Variants in PM20D2 observed in about 807,000 individuals in gnomAD.
The protein encoded by PM20D2 is xaa-Arg dipeptidase.
PM20D2 carries 33 observed loss-of-function variants against 42.9 expected under a neutral mutation model. That is an observed-to-expected ratio of 0.77 (90% CI 0.58 to 1.03). The LOEUF (loss-of-function observed/expected upper bound fraction) is 1.03, where lower values mean the gene tolerates loss of function less well. Ranked by LOEUF, PM20D2 falls within the 50% of genes least tolerant of loss-of-function variation. The pLI is 0.00. For missense variants in PM20D2, 548 were observed against 557.0 expected, an observed-to-expected ratio of 0.98 and a Z score of 0.16; for synonymous variants, 250 against 228.2, an observed-to-expected ratio of 1.10 and a Z score of -0.86.
chr6:89,153,121 T>C lies in PM20D2; in HGVS notation c.693T>C (p.Ala231=). 6.2e-7 allele frequency: 1 copy of C among 1,612,732 alleles called. No individual in the cohort carries two copies. Among genetic ancestry groups the C allele is most frequent in the East Asian group, 2.2e-5 (1 of 44,778 alleles). ...PWEGLNALDA[A]VLAYNNLSVF... Reference sequence around the variant, plus strand: ...AAGGATTAAATGCATTAGATGCTGCTGTGCTGGCCTATAACAATCTGTCTG... The same window carrying C: ...AAGGATTAAATGCATTAGATGCTGCCGTGCTGGCCTATAACAATCTGTCTG... Residue 231 remains alanine, a synonymous_variant, in exon 3 of 7, where the codon GCT becomes GCC. Coordinates refer to ENST00000275072, the MANE Select transcript of PM20D2 (RefSeq NM_001010853.3).
intron 6 of PM20D2, 92 bp downstream of exon 6, chr6:89,161,982 C>T: frequency 1.4e-6 from 2 of 1,474,354 alleles, no homozygotes; most frequent in Non-Finnish European, 9.4e-7. Context: ...CACTACATAA[C>T]ATCACCTCAG....
the PM20D2 span, among the ~76,000 whole-genome samples, chr6:89,109,361 C>G: frequency 6.6e-6 from 1 of 152,096 alleles, no homozygotes; most frequent in African/African-American, 2.4e-5. Context: ...GCTGGGCACA[C>G]AGTAGGTACT....
At chr6:89,128,211 C>T in the PM20D2 span, among the ~76,000 whole-genome samples, 32 of 152,208 alleles carry the variant, frequency 2.1e-4, no homozygotes, top group Non-Finnish European at 1.5e-4. Context: ...CTTTTCCTAG[C>T]AAAGAATATT....
the PM20D2 span, among the ~76,000 whole-genome samples, chr6:89,117,580 G>A: frequency 7.3e-4 from 111 of 152,310 alleles, no homozygotes; most frequent in South Asian, 3.5e-3. Context: ...AAGCGACGCG[G>A]GCCCGGGACA....
chr6:89,119,231 T>A, the PM20D2 span, among the ~76,000 whole-genome samples: 1 of 152,120 alleles, frequency 6.6e-6, no homozygotes, highest in African/African-American at 2.4e-5. Flanking sequence ...TAGAATTTGG[T>A]AGGGAGGCAG....
chr6:89,098,880 T>G, the PM20D2 span: 1 of 1,613,818 alleles, frequency 6.2e-7, no homozygotes, highest in East Asian at 2.2e-5. Flanking sequence ...CTTGCTGAGG[T>G]AGACCGCCTT....
At chr6:89,129,957 A>G in the PM20D2 span, among the ~76,000 whole-genome samples, 2 of 151,658 alleles carry the variant, frequency 1.3e-5, no homozygotes, top group Non-Finnish European at 2.9e-5. Context: ...GCTGGTCTCA[A>G]TCTCCTGAGC....
In PM20D2 at chr6:89,158,420, A is replaced by C. The variant is rs756257507; in HGVS notation, c.1008A>C (p.Ile336=). Residue 336 remains isoleucine, a synonymous_variant, in exon 5 of 7, where the codon ATA becomes ATC. Transcript: ENST00000275072. The part of the protein sequence containing the change: ...AYMENGRKLG[I]EFISEDTMLN... ...TGGAAAATGGAAGAAAGCTAGGAAT[A>C]GAGTTCATTTCAGAAGATACAATGT... is the stretch of plus-strand genomic sequence containing the variant. 4 of 1,612,496 alleles carry C rather than the reference A, an allele frequency of 2.5e-6. No individual in the cohort carries two copies. The South Asian group carries it at 4.4e-5, about 18-fold the overall frequency.
chr6:89,128,497 T>C, the PM20D2 span, among the ~76,000 whole-genome samples: 268 of 146,280 alleles, frequency 1.8e-3, 1 homozygote, highest in African/African-American at 7.2e-3. Flanking sequence ...TAGTTCTGCT[T>C]TTGCCCTTTG....
chr6:89,129,830 G>C, the PM20D2 span, among the ~76,000 whole-genome samples: 1 of 151,404 alleles, frequency 6.6e-6, no homozygotes, highest in Non-Finnish European at 1.5e-5. Context: ...TTGCTTCAAC[G>C]GATCCTCCCA....
the PM20D2 span, among the ~76,000 whole-genome samples, chr6:89,094,409 G>A: frequency 2.1e-4 from 31 of 151,152 alleles, no homozygotes; most frequent in Admixed American, 5.3e-4. Context: ...AAGTAGAAAC[G>A]GGATTTCACT....
chr6:89,153,144 CTG>C lies in PM20D2; in HGVS notation c.720_721del (p.Phe241GlnfsTer29). ...GCTGTGCTGGCCTATAACAATCTGT[CTG>C]TGTTCAGACAGCAAATGAAACCAAC... On this transcript the variant is annotated frameshift_variant, in exon 3 of 7. Coordinates refer to ENST00000275072, the MANE Select transcript of PM20D2 (RefSeq NM_001010853.3). LOFTEE classifies it high-confidence loss of function. The C allele has an allele frequency of 1.2e-6, 2 of 1,610,568 alleles. No individual in the cohort carries two copies. The highest frequency in any genetic ancestry group is 1.7e-6 in the Non-Finnish European group (2 of 1,178,622).
At chr6:89,107,388 TG>T in the PM20D2 span, 2 of 677,772 alleles carry the variant, frequency 3.0e-6, no homozygotes, top group Non-Finnish European at 5.0e-6. Flanking sequence ...AATTGTTTTT[TG>T]TAAGAATCAT....
At chr6:89,146,657 G>A in intron 1 of PM20D2, 48 bp downstream of exon 1, 1 of 1,324,256 alleles carries the variant, frequency 7.6e-7, no homozygotes. Context: ...CCCGGGTCGG[G>A]GGCGACCCGG....
chr6:89,150,368 C>T (rs1374916697), intron 2 of PM20D2, among the ~76,000 whole-genome samples: 4 of 152,008 alleles, frequency 2.6e-5, no homozygotes, highest in African/African-American at 9.7e-5. Flanking sequence ...AATCTCTGCC[C>T]TTGCCTTTGA....
At chr6:89,136,063 G>C in the PM20D2 span, among the ~76,000 whole-genome samples, 1 of 151,132 alleles carries the variant, frequency 6.6e-6, no homozygotes, top group Non-Finnish European at 1.5e-5. Flanking sequence ...CACCTAGACA[G>C]CTAGATGAGT....
chr6:89,154,487 T>C (rs1228032594), intron 3 of PM20D2, among the ~76,000 whole-genome samples: 1 of 152,208 alleles, frequency 6.6e-6, no homozygotes, highest in Non-Finnish European at 1.5e-5. Context: ...GTCTGGATCA[T>C]AATTTCTTAA....
the PM20D2 span, among the ~76,000 whole-genome samples, chr6:89,094,366 T>G: frequency 6.6e-6 from 1 of 151,908 alleles, no homozygotes; most frequent in African/African-American, 2.4e-5. Flanking sequence ...GATTACAGGG[T>G]GTGCCACCAC....
At chr6:89,094,335 C>T in the PM20D2 span, among the ~76,000 whole-genome samples, 1 of 152,026 alleles carries the variant, frequency 6.6e-6, no homozygotes, top group African/African-American at 2.4e-5. Flanking sequence ...ATTCTTCTGC[C>T]TCAGCCTCCT....
Sources: allele counts gnomAD v4.1 joint callset (sites outside exome capture counted in the v4.1 genomes callset), GRCh38; gene constraint gnomAD v4.1.1; transcripts MANE v1.5; gene names NCBI Gene and HGNC (gene_info 2026-07-23, HGNC 2026-07-21).